Variants in RAB31 observed in about 807,000 individuals in gnomAD.
RAB31 encodes the protein ras-related protein Rab-31.
A neutral mutation model predicts 25.6 loss-of-function variants in RAB31; 21 were observed. That is an observed-to-expected ratio of 0.82 (90% CI 0.58 to 1.18). The LOEUF (loss-of-function observed/expected upper bound fraction) is 1.18, where lower values mean the gene tolerates loss of function less well. Ranked by LOEUF, RAB31 falls within the 50% of genes most tolerant of loss-of-function variation. RAB31 has a pLI of 0.00. For missense variants in RAB31, 196 were observed against 250.1 expected (o/e 0.78, Z 1.46); for synonymous variants, 87 against 84.0 (o/e 1.04, Z -0.20).
intron 3 of RAB31, among the ~76,000 whole-genome samples, chr18:9,798,227 A>G (rs368029744): frequency 2.6e-5 from 4 of 152,198 alleles, no homozygotes; most frequent in East Asian, 3.9e-4. Flanking sequence ...ACTGATATCC[A>G]TGTGGCTATG....
chr18:9,715,598 C>T (rs1181762279), intron 1 of RAB31, among the ~76,000 whole-genome samples: 18 of 149,266 alleles, frequency 1.2e-4, no homozygotes, highest in East Asian at 2.0e-4. Flanking sequence ...GGCACAATCT[C>T]GGCTCACTGC....
intron 3 of RAB31, among the ~76,000 whole-genome samples, chr18:9,793,995 A>G (rs1284490073): frequency 1.3e-5 from 2 of 152,086 alleles, no homozygotes; most frequent in African/African-American, 4.8e-5. Flanking sequence ...CAGTGGTGCA[A>G]TCACAGCTCA....
chr18:9,735,479 C>A, intron 1 of RAB31: 1 of 211,850 alleles, frequency 4.7e-6, no homozygotes, highest in East Asian at 1.1e-4. Flanking sequence ...CAAAGTTGAT[C>A]CTGTGGTGGT....
chr18:9,824,750 G>C (rs2068641809), intron 5 of RAB31, among the ~76,000 whole-genome samples: 2 of 152,192 alleles, frequency 1.3e-5, no homozygotes, highest in African/African-American at 4.8e-5. Context: ...GGTACACTCA[G>C]GATTTTTAGC....
intron 2 of RAB31, among the ~76,000 whole-genome samples, chr18:9,788,789 A>G (rs1273803773): frequency 6.6e-6 from 1 of 152,172 alleles, no homozygotes; most frequent in Non-Finnish European, 1.5e-5. Flanking sequence ...AACATGGTGA[A>G]ACCCCATCTC....
intron 1 of RAB31, among the ~76,000 whole-genome samples, chr18:9,722,111 G>A (rs889158963): frequency 2.0e-5 from 3 of 152,054 alleles, no homozygotes; most frequent in African/African-American, 7.3e-5. Context: ...AAGGGGGTTA[G>A]GTCAGGGAGG....
chr18:9,850,111 T>C (rs1470659224), intron 6 of RAB31, among the ~76,000 whole-genome samples: 1 of 151,994 alleles, frequency 6.6e-6, no homozygotes, highest in African/African-American at 2.4e-5. Flanking sequence ...GAAGAACCAA[T>C]AACACTGGAA....
intron 1 of RAB31, among the ~76,000 whole-genome samples, chr18:9,731,301 T>C (rs1489609814): frequency 6.6e-6 from 1 of 152,230 alleles, no homozygotes; most frequent in East Asian, 1.9e-4. Flanking sequence ...TTCCCTAAGC[T>C]TCCCTTGGTC....
chr18:9,854,616 G>A (rs893512507), intron 6 of RAB31, among the ~76,000 whole-genome samples: 1 of 152,150 alleles, frequency 6.6e-6, no homozygotes, highest in Non-Finnish European at 1.5e-5. Context: ...ATAGCATGTA[G>A]CGCGTTCCTC....
intron 2 of RAB31, 125 bp downstream of exon 2, chr18:9,775,482 C>T: frequency 2.0e-6 from 3 of 1,497,822 alleles, no homozygotes; most frequent in Non-Finnish European, 2.7e-6. Context: ...AGAATCAATC[C>T]CAGCTGTAGA....
chr18:9,834,511 A>G (rs916260873), intron 5 of RAB31, among the ~76,000 whole-genome samples: 2 of 152,156 alleles, frequency 1.3e-5, no homozygotes, highest in Non-Finnish European at 2.9e-5. Flanking sequence ...TCACTAATTC[A>G]GCTGTCAGTC....
rs10526414 is a variant in RAB31 at position 9,844,832 on chromosome 18, A to AGTTTT, written c.381-705_381-701dup. 1,260 of 149,432 alleles carry AGTTTT rather than the reference A, an allele frequency of 8.4e-3. 8 individuals are homozygous for AGTTTT. Among genetic ancestry groups the AGTTTT allele is most frequent in the Middle Eastern group, 0.034 (10 of 290 alleles). 9.3% of individuals were successfully genotyped at this position (149,432 alleles called of 1,614,324 possible). A position where few individuals can be genotyped will look rare whatever the true frequency, so the allele number is the denominator to read the frequency against. On this transcript the variant is annotated intron_variant, in intron 5 of 6. Coordinates refer to ENST00000578921, the MANE Select transcript of RAB31 (RefSeq NM_006868.4). ...AGATGAAATCAGGTGCGTTCAGGTG[A>AGTTTT]GTTTTGTTTTGTTTTGTTTTGTTTT...
At chr18:9,792,045 C>G in intron 2 of RAB31, 109 bp from the exon 3 acceptor site, 2 of 1,434,316 alleles carry the variant, frequency 1.4e-6, no homozygotes, top group East Asian at 5.1e-5. Flanking sequence ...TTCCCAAGGA[C>G]CAGGGCTTTT....
intron 5 of RAB31, among the ~76,000 whole-genome samples, chr18:9,820,185 A>G (rs1397235635): frequency 1.3e-5 from 2 of 152,066 alleles, no homozygotes; most frequent in East Asian, 1.9e-4. Context: ...CTGGTTTTAC[A>G]TATATGTTTT....
chr18:9,720,199 AG>A (rs1387213912), intron 1 of RAB31, among the ~76,000 whole-genome samples: 1 of 152,154 alleles, frequency 6.6e-6, no homozygotes, highest in Non-Finnish European at 1.5e-5. Context: ...CCTGACTTCA[AG>A]TGATCCACCC....
chr18:9,770,852 C>CTT (rs34745235), intron 1 of RAB31, among the ~76,000 whole-genome samples: 8,647 of 128,452 alleles, frequency 0.067, 417 homozygotes, highest in African/African-American at 0.13. Flanking sequence ...AGAAATTTGA[C>CTT]TTTTTTTTTT....
chr18:9,787,116 T>A, intron 2 of RAB31: 1 of 218,304 alleles, frequency 4.6e-6, no homozygotes, highest in South Asian at 8.5e-5. Flanking sequence ...GTCGTCAAGT[T>A]GAAAAGTCTG....
chr18:9,753,686 A>T (rs568606294), intron 1 of RAB31, among the ~76,000 whole-genome samples: 1 of 152,320 alleles, frequency 6.6e-6, no homozygotes, highest in South Asian at 2.1e-4. Flanking sequence ...TTAGCAATGA[A>T]GAAAGTATGT....
chr18:9,732,967 G>T (rs1376621889), intron 1 of RAB31, among the ~76,000 whole-genome samples: 1 of 152,192 alleles, frequency 6.6e-6, no homozygotes, highest in Non-Finnish European at 1.5e-5. Context: ...CTTGAGGGTA[G>T]GTTAAGGGAA....
Sources: allele counts gnomAD v4.1 joint callset (sites outside exome capture counted in the v4.1 genomes callset), GRCh38; gene constraint gnomAD v4.1.1; transcripts MANE v1.5; gene names NCBI Gene and HGNC (gene_info 2026-07-23, HGNC 2026-07-21).